SLC35F3: variants seen among roughly 807,000 people sequenced by gnomAD.
The protein encoded by SLC35F3 is putative thiamine transporter SLC35F3.
In SLC35F3, 25 loss-of-function variants were observed where a neutral mutation model predicts 49.9. The ratio of observed to expected loss-of-function variants is 0.50; its 90% CI spans 0.37 to 0.70. SLC35F3 has a LOEUF of 0.70. SLC35F3 is among the 30% of genes least tolerant of loss of function. The pLI, the probability that SLC35F3 is intolerant of heterozygous loss-of-function variation, is 0.00. For missense variants in SLC35F3, 525 were observed against 639.8 expected, an observed-to-expected ratio of 0.82 and a Z score of 1.94; for synonymous variants, 275 against 265.4, an observed-to-expected ratio of 1.04 and a Z score of -0.35.
chr1:234,016,704 A>G (rs1456684200), intron 2 of SLC35F3, among the ~76,000 whole-genome samples: 1 of 152,230 alleles, frequency 6.6e-6, no homozygotes, highest in South Asian at 2.1e-4. Flanking sequence ...ATGTATTTCA[A>G]TGCAATTGAT....
At chr1:234,030,329 G>A (rs960406375) in intron 2 of SLC35F3, among the ~76,000 whole-genome samples, 8 of 152,026 alleles carry the variant, frequency 5.3e-5, no homozygotes, top group African/African-American at 1.7e-4. Flanking sequence ...TGTTTGCTGG[G>A]GATTTATGGC....
In SLC35F3 at chr1:234,103,080, A is replaced by G. The variant is rs192142098; in HGVS notation, c.284-128337A>G. ...ATAAGATTAGATTCACTCTAAAGAG[A>G]TGAAAGTTGGTGAATAAGGCAAAAA... On this transcript the variant is annotated intron_variant, in intron 2 of 7. Coordinates refer to ENST00000366618, the MANE Select transcript of SLC35F3 (RefSeq NM_173508.4). Among the ~76,000 whole-genome samples, 81 of 152,364 alleles carry G rather than the reference A, an allele frequency of 5.3e-4. 1 individual carries two copies. The highest frequency in any genetic ancestry group is 4.1e-4 in the South Asian group (2 of 4,828).
intron 2 of SLC35F3, among the ~76,000 whole-genome samples, chr1:234,071,974 C>T (rs1179241897): frequency 6.6e-6 from 1 of 152,208 alleles, no homozygotes; most frequent in Non-Finnish European, 1.5e-5. Flanking sequence ...TCAGGGGACT[C>T]ATGAGTGTGG....
intron 2 of SLC35F3, among the ~76,000 whole-genome samples, chr1:234,155,515 T>G (rs914921616): frequency 6.6e-6 from 1 of 152,032 alleles, no homozygotes; most frequent in African/African-American, 2.4e-5. Flanking sequence ...GTTGAAGCGA[T>G]TCTCCTGCCT....
At chr1:234,070,612 G>A (rs980460899) in intron 2 of SLC35F3, among the ~76,000 whole-genome samples, 4 of 151,946 alleles carry the variant, frequency 2.6e-5, no homozygotes, top group Admixed American at 2.6e-4. Context: ...TCCGCAATTT[G>A]TTTTTAATTA....
chr1:234,111,157 T>A (rs12137041), intron 2 of SLC35F3, among the ~76,000 whole-genome samples: 2 of 152,058 alleles, frequency 1.3e-5, no homozygotes, highest in African/African-American at 2.4e-5. Flanking sequence ...GAATTTAATT[T>A]TTAATTATTT....
At position 234,309,236 on chromosome 1, in the gene SLC35F3, T is replaced by C; in HGVS notation, c.744T>C (p.Asp248=). 3.1e-6 allele frequency: 5 copies of C among 1,614,168 alleles called. No individual in the cohort carries two copies. The highest frequency in any genetic ancestry group is 3.4e-6 in the Non-Finnish European group (4 of 1,179,998). ...LHAIKKINTT[D]VSVLFCCNKA... ...CAATAAAGAAAATAAACACTACGGA[T>C]GTCTCCGTGTTGTTCTGCTGCAACA... Residue 248 remains aspartate, a synonymous_variant, in exon 4 of 8, where the codon GAT becomes GAC. Coordinates refer to ENST00000366618, the MANE Select transcript of SLC35F3 (RefSeq NM_173508.4).
chr1:234,067,198 G>A (rs1664634836), intron 2 of SLC35F3, among the ~76,000 whole-genome samples: 1 of 151,940 alleles, frequency 6.6e-6, no homozygotes, highest in Non-Finnish European at 1.5e-5. Context: ...CAACTGATTT[G>A]AGGCTTTTTG....
chr1:233,960,017 A>G (rs990650917), intron 2 of SLC35F3, among the ~76,000 whole-genome samples: 2 of 152,202 alleles, frequency 1.3e-5, no homozygotes, highest in Non-Finnish European at 2.9e-5. Context: ...CCTCTTCAGC[A>G]CATGTGCCTT....
rs116179211 is a variant in SLC35F3 at position 234,318,666 on chromosome 1, G to A, written c.955-85G>A. On this transcript the variant is annotated intron_variant, in intron 5 of 7. Transcript: ENST00000366618. ...TTCCATCCTGCAGTGCAAACCCAGC[G>A]TTGTGGAGTGAACTCTGCTTTGCTT... is the stretch of plus-strand genomic sequence containing the variant. 9.3e-4 allele frequency: 1,150 copies of A among 1,235,746 alleles called. 2 individuals carry two copies. In the Middle Eastern group the frequency reaches 9.9e-3, roughly 11 times the overall value. The allele number at this position is 1,235,746 out of a possible 1,614,324, so 76.5% of individuals were successfully genotyped here.
intron 2 of SLC35F3, among the ~76,000 whole-genome samples, chr1:234,112,556 C>CTTTTTT (rs777353110): frequency 5.2e-5 from 6 of 116,362 alleles, no homozygotes; most frequent in African/African-American, 9.0e-5. Context: ...AATTCACACT[C>CTTTTTT]TTTTTTTTTT....
chr1:234,154,348 T>C (rs1304712303), intron 2 of SLC35F3, among the ~76,000 whole-genome samples: 1 of 152,232 alleles, frequency 6.6e-6, no homozygotes, highest in Non-Finnish European at 1.5e-5. Flanking sequence ...TGGAATTGAA[T>C]TGGAAATCTC....
intron 2 of SLC35F3, among the ~76,000 whole-genome samples, chr1:234,196,813 A>G (rs1572090734): frequency 1.3e-5 from 2 of 152,208 alleles, no homozygotes; most frequent in South Asian, 2.1e-4. Context: ...GTGGTGGCAC[A>G]TGCCTGTAAT....
At chr1:234,180,054 T>C (rs1309902536) in intron 2 of SLC35F3, among the ~76,000 whole-genome samples, 1 of 152,168 alleles carries the variant, frequency 6.6e-6, no homozygotes, top group African/African-American at 2.4e-5. Flanking sequence ...CCATAGACAT[T>C]TTTTGTAACC....
intron 2 of SLC35F3, among the ~76,000 whole-genome samples, chr1:234,085,829 A>G (rs1178913059): frequency 6.6e-6 from 1 of 152,128 alleles, no homozygotes; most frequent in Admixed American, 6.5e-5. Context: ...TGTGATTCGG[A>G]CTGCTCTTTG....
rs552736208 is a variant in SLC35F3, at chr1:234,072,498, T to C, written c.284-158919T>C. Among the ~76,000 whole-genome samples, 9 of 152,190 alleles carry C rather than the reference T, an allele frequency of 5.9e-5. No individual in the cohort carries two copies. The South Asian group carries it at 1.7e-3, about 28-fold the overall frequency. On this transcript the variant is annotated intron_variant, in intron 2 of 7. Transcript: ENST00000366618. ...CAAATATACAATTAAATATGTAACATGTTAGGTAGCGTTTAATACGATGGA... is the reference window on the plus strand; with the variant it reads ...CAAATATACAATTAAATATGTAACACGTTAGGTAGCGTTTAATACGATGGA...
In SLC35F3 at chr1:233,968,581, G is replaced by T. The variant is rs148090315; in HGVS notation, c.283+62823G>T. Among the ~76,000 whole-genome samples the T allele has an allele frequency of 5.2e-3, 791 of 151,860 alleles. 4 individuals carry two copies. The highest frequency in any genetic ancestry group is 9.1e-3 in the Non-Finnish European group (620 of 67,958). On this transcript the variant is annotated intron_variant, in intron 2 of 7. Transcript: ENST00000366618. ...TGGCTCACTGCAACCTCTGTCTCCT[G>T]GGTTCAAGTGATTCTGCCTCGGCCT...
At chr1:234,243,991 G>T (rs956008214) in intron 3 of SLC35F3, among the ~76,000 whole-genome samples, 2 of 152,180 alleles carry the variant, frequency 1.3e-5, no homozygotes, top group African/African-American at 2.4e-5. Flanking sequence ...GTGGGAGAAG[G>T]CTCACCAACG....
intron 2 of SLC35F3, among the ~76,000 whole-genome samples, chr1:234,108,458 T>TTATATATATAAAAAA (rs1665328241): frequency 2.3e-5 from 2 of 86,190 alleles, no homozygotes; most frequent in African/African-American, 3.9e-5. Flanking sequence ...TATATATTAT[T>TTATATATATAAAAAA]TATATATATA....
Sources: gnomAD v4.1 joint callset for allele counts (sites outside exome capture counted in the v4.1 genomes callset) on GRCh38, gnomAD v4.1.1 for gene constraint, MANE v1.5 for transcripts, NCBI Gene and HGNC (gene_info 2026-07-23, HGNC 2026-07-21) for gene names.